Variants in CNGA3 observed in about 807,000 individuals in gnomAD.
CNGA3 encodes the protein cyclic nucleotide-gated channel alpha-3.
CNGA3 carries 42 observed loss-of-function variants against 46.6 expected under a neutral mutation model. The ratio of observed to expected loss-of-function variants is 0.90; its 90% confidence interval spans 0.70 to 1.17. The LOEUF is 1.17. Among genes scored for constraint, CNGA3 ranks in the 50% most tolerant of loss-of-function variants. The pLI, the probability that CNGA3 is intolerant of heterozygous loss-of-function variation, is 0.00. For synonymous variants in CNGA3, 394 were observed against 369.4 expected (o/e 1.07, Z -0.76); for missense variants, 893 against 890.7 (o/e 1.00, Z -0.03).
At chr2:98,390,999 T>C (rs1364780841) in intron 6 of CNGA3, among the ~76,000 whole-genome samples, 1 of 152,084 alleles carries the variant, frequency 6.6e-6, no homozygotes, top group Non-Finnish European at 1.5e-5. Context: ...CCTGTCCTTC[T>C]GAGAGTAGGC....
intron 3 of CNGA3, among the ~76,000 whole-genome samples, chr2:98,379,693 C>T (rs1028794116): frequency 1.2e-4 from 18 of 152,308 alleles, no homozygotes; most frequent in Non-Finnish European, 1.6e-4. Flanking sequence ...ACGCCTGTTC[C>T]TTTAAGCCTT....
chr2:98,363,049 CTA>C (rs1393897578), intron 1 of CNGA3, among the ~76,000 whole-genome samples: 1 of 152,180 alleles, frequency 6.6e-6, no homozygotes, highest in Non-Finnish European at 1.5e-5. Flanking sequence ...GTTTTGGTTA[CTA>C]TAGTCTTATA....
intron 5 of CNGA3, among the ~76,000 whole-genome samples, chr2:98,387,809 G>C (rs1329512555): frequency 6.6e-6 from 1 of 152,210 alleles, no homozygotes; most frequent in Admixed American, 6.5e-5. Flanking sequence ...ACTTGATCCA[G>C]AGAGAGGTTT....
At position 98,370,010 on chromosome 2, in the gene CNGA3, C is replaced by T; in HGVS notation, c.35C>T (p.Ser12Phe). Reference protein sequence around the residue: ...AKINTQYSHPSRTHLKVKTSD... With the variant: ...AKINTQYSHPFRTHLKVKTSD... ...ATCAACACCCAATACTCCCACCCCTCCAGGACCCACCTCAAGGTAAAGACC... is the reference window on the plus strand; with the variant it reads ...ATCAACACCCAATACTCCCACCCCTTCAGGACCCACCTCAAGGTAAAGACC... Residue 12 changes from serine to phenylalanine, a missense_variant, in exon 2 of 8, where the codon TCC (serine) becomes TTC (phenylalanine). Ser to Phe is a radical substitution (Grantham distance 155). Transcript: ENST00000272602. The T allele has an allele frequency of 6.2e-7, 1 of 1,614,060 alleles. No homozygotes were observed. The highest frequency in any genetic ancestry group is 1.1e-5 in the South Asian group (1 of 91,046).
chr2:98,360,206 G>A (rs902053558), intron 1 of CNGA3, among the ~76,000 whole-genome samples: 4 of 152,188 alleles, frequency 2.6e-5, no homozygotes, highest in Non-Finnish European at 5.9e-5. Context: ...GAGGGAGGGG[G>A]GCTGCTGTGA....
chr2:98,346,485 G>A lies in CNGA3; in HGVS notation c.-87G>A. The stretch of plus-strand genomic sequence containing the variant: ...CTGCGCCTAGGAGGCCGAGGGAGGA[G>A]GCGCTCCGCAGACCCTGGCGCGCCG... On this transcript the variant is annotated 5_prime_UTR_variant, in exon 1 of 8. Coordinates refer to ENST00000272602, the MANE Select transcript of CNGA3 (RefSeq NM_001298.3). 5.0e-6 allele frequency: 2 copies of A among 398,592 alleles called. No individual in the cohort carries two copies. Among genetic ancestry groups the A allele is most frequent in the Non-Finnish European group, 8.8e-6 (2 of 226,070 alleles). 24.7% of individuals were successfully genotyped at this position (398,592 alleles called of 1,614,324 possible). A position where few individuals can be genotyped will look rare whatever the true frequency, so the allele number is the denominator to read the frequency against.
rs773176537 is a variant in CNGA3 at position 98,397,041 on chromosome 2, A to G, written c.1871A>G (p.Lys624Arg). ...CTGGCCAGGGCGGGCGCGGACCCCA[A>G]GGACCTTGAGGAGAAAGTGGAGCAG... ...EELARAGADP[K>R]DLEEKVEQLG... The change falls in exon 8 of 8, where the codon AAG becomes AGG. Residue 624 changes from lysine to arginine, a missense_variant. This residue lies in a region of CNGA3 where 548 missense variants were observed against 570.8 expected (regional missense o/e 0.96). Coordinates refer to ENST00000272602, the MANE Select transcript of CNGA3 (RefSeq NM_001298.3). 4.3e-6 allele frequency: 7 copies of G among 1,614,134 alleles called. No homozygotes were observed. The highest frequency in any genetic ancestry group is 1.7e-5 in the Admixed American group (1 of 60,004).
Position 98,397,329 on chromosome 2 carries a change from T to G in CNGA3, c.*74T>G. 1 of 1,467,450 alleles carries G rather than the reference T, an allele frequency of 6.8e-7. No individual in the cohort carries two copies. The highest frequency in any genetic ancestry group is 9.4e-7 in the Non-Finnish European group (1 of 1,059,976). 90.9% of individuals were successfully genotyped at this position (1,467,450 alleles called of 1,614,324 possible). A position where few individuals can be genotyped will look rare whatever the true frequency, so the allele number is the denominator to read the frequency against. On this transcript the variant is annotated 3_prime_UTR_variant, in exon 8 of 8. Coordinates refer to ENST00000272602, the MANE Select transcript of CNGA3 (RefSeq NM_001298.3). ...CGTATGTGGCCGCAGCTGTGTGGCATGGAACTTGGTCAGGGTTGAATTCCA... is the reference window on the plus strand; with the variant it reads ...CGTATGTGGCCGCAGCTGTGTGGCAGGGAACTTGGTCAGGGTTGAATTCCA...
At chr2:98,362,607 T>C (rs1446994021) in intron 1 of CNGA3, among the ~76,000 whole-genome samples, 1 of 152,044 alleles carries the variant, frequency 6.6e-6, no homozygotes, top group Non-Finnish European at 1.5e-5. Context: ...AGGTTGTCTG[T>C]TCACTCTGAT....
intron 7 of CNGA3, among the ~76,000 whole-genome samples, chr2:98,394,448 T>C (rs549404575): frequency 1.3e-5 from 2 of 152,314 alleles, no homozygotes; most frequent in South Asian, 2.1e-4. Flanking sequence ...TGAAATCAAT[T>C]TGGGAGGCCA....
intron 4 of CNGA3, among the ~76,000 whole-genome samples, chr2:98,380,812 G>A (rs1056434889): frequency 1.3e-5 from 2 of 152,176 alleles, no homozygotes; most frequent in Non-Finnish European, 2.9e-5. Flanking sequence ...GTGTAGGCAC[G>A]CGTGCATTTT....
chr2:98,380,062 T>G (rs1692500975), intron 3 of CNGA3, 113 bp from the exon 4 acceptor site: 2 of 1,263,918 alleles, frequency 1.6e-6, no homozygotes, highest in Non-Finnish European at 2.3e-6. Context: ...TTCTGCCCCA[T>G]CCCTTGAGAC....
rs373666055 is a variant in CNGA3 at position 98,396,399 on chromosome 2, G to T, written c.1229G>T (p.Arg410Leu). 1.2e-6 allele frequency: 2 copies of T among 1,613,864 alleles called. No homozygotes were observed. The highest frequency in any genetic ancestry group is 3.3e-5 in the Admixed American group (2 of 60,020). The change falls in exon 8 of 8, where the codon CGG becomes CTG. Residue 410 changes from arginine to leucine, a missense_variant. Physicochemically the swap from Arg to Leu is moderately radical, Grantham distance 102 (BLOSUM62 -2). Transcript: ENST00000272602. ...ATGATCTCGAATATGAATGCCTCAC[G>T]GGCAGAGTTCCAGGCCAAGATTGAT... is the stretch of plus-strand genomic sequence containing the variant. ...GSMISNMNAS[R>L]AEFQAKIDSI...
chr2:98,366,381 A>G lies in CNGA3; in HGVS notation c.-37-3558A>G, dbSNP rs1406976314. ...GGGGTCTCACCCAGTCAGGAAGCACAGGATCAGGGACCCACTTAACAAAGC... is the reference window on the plus strand; with the variant it reads ...GGGGTCTCACCCAGTCAGGAAGCACGGGATCAGGGACCCACTTAACAAAGC... On this transcript the variant is annotated intron_variant, in intron 1 of 7. Transcript: ENST00000272602. Among the ~76,000 whole-genome samples the G allele has an allele frequency of 2.0e-5, 3 of 152,172 alleles. No individual in the cohort carries two copies. In the East Asian group the frequency reaches 5.8e-4, roughly 29 times the overall value.
intron 2 of CNGA3, among the ~76,000 whole-genome samples, chr2:98,371,586 G>A (rs1692290011): frequency 6.6e-6 from 1 of 152,094 alleles, no homozygotes; most frequent in Admixed American, 6.5e-5. Flanking sequence ...TCGGTGCTGG[G>A]GCCCCAGGAA....
chr2:98,381,300 G>A (rs2104208392), intron 4 of CNGA3, among the ~76,000 whole-genome samples: 1 of 152,234 alleles, frequency 6.6e-6, no homozygotes, highest in East Asian at 1.9e-4. Flanking sequence ...CTGGGGGGTG[G>A]GAAAAGGGGA....
chr2:98,359,525 GGCAAATACACT>G (rs1691974736), intron 1 of CNGA3, among the ~76,000 whole-genome samples: 1 of 152,154 alleles, frequency 6.6e-6, no homozygotes, highest in Non-Finnish European at 1.5e-5. Flanking sequence ...CTCCTAAACT[GGCAAATACACT>G]GCATTACCAC....
In CNGA3 at chr2:98,377,768, G is replaced by A. The variant is rs767377424; in HGVS notation, c.183G>A (p.Gly61=). 2.4e-5 allele frequency: 39 copies of A among 1,612,342 alleles called. No homozygotes were observed. The highest frequency in any genetic ancestry group is 2.8e-5 in the Non-Finnish European group (33 of 1,179,906). The change falls in exon 3 of 8, where the codon GGG becomes GGA. Residue 61 remains glycine, a synonymous_variant. Coordinates refer to ENST00000272602, the MANE Select transcript of CNGA3 (RefSeq NM_001298.3). ...AMETRGLADS[G]QGSFTGQGIA... ...AGACCAGAGGACTGGCTGACTCCGG[G>A]CAGGGCTCCTTCACCGGCCAGGGGA...
intron 3 of CNGA3, chr2:98,378,060 T>C: frequency 6.4e-7 from 1 of 1,550,576 alleles, no homozygotes; most frequent in Non-Finnish European, 8.7e-7. Flanking sequence ...TTGCTCAGGT[T>C]TGGAAGAATT....
Sources: allele counts gnomAD v4.1 joint callset (sites outside exome capture counted in the v4.1 genomes callset), GRCh38; gene constraint gnomAD v4.1.1; regional missense constraint gnomAD v4.1.1; transcripts MANE v1.5; gene names NCBI Gene and HGNC (gene_info 2026-07-23, HGNC 2026-07-21).